The following CLIP1 variants were observed in gnomAD, a reference collection of about 807,000 sequenced individuals.
CLIP1 encodes the protein CAP-Gly domain-containing linker protein 1.
Under a neutral mutation model 161.6 loss-of-function variants are expected in CLIP1, and 66 were observed. The ratio of observed to expected loss-of-function variants is 0.41; its 90% confidence interval spans 0.33 to 0.50. The LOEUF is 0.50. Ranked by LOEUF, CLIP1 falls within the 20% of genes least tolerant of loss-of-function variation. The pLI, the probability that CLIP1 is intolerant of heterozygous loss-of-function variation, is 0.27. For synonymous variants in CLIP1, 598 were observed against 626.2 expected (o/e 0.96, Z 0.67); for missense variants, 1,376 against 1,702.0 (o/e 0.81, Z 3.37).
At chr12:122,295,479 T>G (rs572853577) in intron 20 of CLIP1, among the ~76,000 whole-genome samples, 1 of 152,266 alleles carries the variant, frequency 6.6e-6, no homozygotes, top group African/African-American at 2.4e-5. Flanking sequence ...GAAAATAGTT[T>G]GAAATATTTC....
At chr12:122,310,361 T>C (rs1951019302) in intron 19 of CLIP1, among the ~76,000 whole-genome samples, 1 of 152,242 alleles carries the variant, frequency 6.6e-6, no homozygotes, top group South Asian at 2.1e-4. Context: ...CATTTACCAG[T>C]ATCTGTCAGA....
rs977328690 is a variant in CLIP1, at chr12:122,340,358, C to T, written c.2451+395G>A. Among the ~76,000 whole-genome samples, 3 of 152,146 alleles carry T rather than the reference C, an allele frequency of 2.0e-5. No homozygotes were observed. In the South Asian group the frequency reaches 6.2e-4, roughly 32 times the overall value. On this transcript the variant is annotated intron_variant, in intron 11 of 25. Coordinates refer to ENST00000620786, the MANE Select transcript of CLIP1 (RefSeq NM_001247997.2). ...CCTCCCAAAGTGCTGGGATTACAGG[C>T]GTGAGCCACTGCGCCTGGCCGATCT... is the stretch of plus-strand genomic sequence containing the variant.
chr12:122,341,617 G>T lies in CLIP1; in HGVS notation c.1587C>A (p.Leu529=). Residue 529 remains leucine, a synonymous_variant, in exon 11 of 26, where the codon CTC becomes CTA. Coordinates refer to ENST00000620786, the MANE Select transcript of CLIP1 (RefSeq NM_001247997.2). ...GCTTATTGGACTCTAGCCTTCTTCG[G>T]AGCTCAGCTACTTCCTGTACTCTCA... ...LALRVQEVAE[L]RRRLESNKPA... 1.2e-6 allele frequency: 2 copies of T among 1,613,160 alleles called. No homozygotes were observed. The highest frequency in any genetic ancestry group is 8.5e-7 in the Non-Finnish European group (1 of 1,179,982).
At chr12:122,390,440 T>G (rs1955609010) in intron 1 of CLIP1, among the ~76,000 whole-genome samples, 1 of 151,212 alleles carries the variant, frequency 6.6e-6, no homozygotes, top group South Asian at 2.1e-4. Context: ...GCCTCTCCAG[T>G]AGCTGGGACT....
Position 122,355,300 on chromosome 12 carries a change from A to T in CLIP1, c.1018T>A (p.Ser340Thr). The T allele has an allele frequency of 6.2e-7, 1 of 1,613,736 alleles. No homozygotes were observed. Among genetic ancestry groups the T allele is most frequent in the Non-Finnish European group, 8.5e-7 (1 of 1,179,794 alleles). The part of the protein sequence containing the change: ...PSRTGLLTET[S>T]SRYARKISGT... ...GAGATCTTCCTGGCGTAACGGGAGG[A>T]GGTTTCAGTCAACTGTAAAGGAAAG... The change falls in exon 6 of 26, where the codon TCC becomes ACC. Residue 340 changes from serine to threonine, a missense_variant. Physicochemically the swap from Ser to Thr is moderately conservative, Grantham distance 58 (BLOSUM62 1). This residue lies in a region of CLIP1 where 211 missense variants were observed against 295.1 expected (regional missense o/e 0.72). Transcript: ENST00000620786. This position sits in a 1 kb window ranked among gnomAD's most constrained non-coding sequence, Gnocchi z 4.1.
intron 4 of CLIP1, among the ~76,000 whole-genome samples, chr12:122,362,335 A>G (rs1355818267): frequency 6.6e-6 from 1 of 151,784 alleles, no homozygotes. Context: ...AATGGCTAAC[A>G]TACAGGAAAA....
At chr12:122,395,816 C>T (rs1431953038) in intron 1 of CLIP1, 1 of 152,210 alleles carries the variant, frequency 6.6e-6, no homozygotes, top group Non-Finnish European at 1.5e-5. Flanking sequence ...GATTGGGCTA[C>T]ATTTAAGCAT....
rs1394803491 is a variant in CLIP1, at chr12:122,309,758, T to TG, written c.3594+3dup. 6.2e-7 allele frequency: 1 copy of TG among 1,611,976 alleles called. No individual in the cohort carries two copies. Among genetic ancestry groups the TG allele is most frequent in the Non-Finnish European group, 8.5e-7 (1 of 1,179,946 alleles). On this transcript the variant is annotated splice_donor_region_variant and intron_variant, in intron 20 of 25. Coordinates refer to ENST00000620786, the MANE Select transcript of CLIP1 (RefSeq NM_001247997.2). ...GCTGGAACCCCTCGCCAAAGGACAC[T>TG]GACCTTTTGATGACTTGTGACTTCG...
At position 122,287,936 on chromosome 12, in the gene CLIP1, A is replaced by G. The variant is rs946307454; in HGVS notation, c.3647+553T>C. On this transcript the variant is annotated intron_variant, in intron 21 of 25. Coordinates refer to ENST00000620786, the MANE Select transcript of CLIP1 (RefSeq NM_001247997.2). ...AGGTAACAGTGGTGTAACATGAGAC[A>G]ATCTGATTTTAGATCACTTCTGAGT... Among the ~76,000 whole-genome samples the G allele has an allele frequency of 4.6e-5, 7 of 152,192 alleles. No individual in the cohort carries two copies. In the East Asian group the frequency reaches 1.2e-3, roughly 25 times the overall value.
chr12:122,366,306 C>CAAA (rs11458072), intron 3 of CLIP1, among the ~76,000 whole-genome samples: 8 of 139,344 alleles, frequency 5.7e-5, no homozygotes, highest in African/African-American at 1.3e-4. Flanking sequence ...GACTCTGTCT[C>CAAA]AAAAAAAAAA....
intron 24 of CLIP1, 86 bp downstream of exon 24, chr12:122,278,068 G>C (rs1955503061): frequency 8.6e-7 from 1 of 1,168,202 alleles, no homozygotes; most frequent in Non-Finnish European, 1.3e-6. Flanking sequence ...GATACAAAAG[G>C]CATCAAATGA....
chr12:122,343,071 T>A (rs1952578092), intron 10 of CLIP1: 1 of 151,704 alleles, frequency 6.6e-6, no homozygotes, highest in Non-Finnish European at 1.5e-5. Context: ...ATCAAATGTT[T>A]CAATGAATAA....
intron 7 of CLIP1, among the ~76,000 whole-genome samples, chr12:122,353,673 C>T (rs1953166855): frequency 6.6e-6 from 1 of 152,044 alleles, no homozygotes; most frequent in Non-Finnish European, 1.5e-5. Context: ...CTCTGTCACC[C>T]AGACTGGAGT....
At position 122,422,644 on chromosome 12, in the gene CLIP1, G is replaced by A. The variant is rs1368426076; in HGVS notation, c.-230C>T. 1 of 144,856 alleles carries A rather than the reference G, an allele frequency of 6.9e-6. No individual in the cohort carries two copies. The highest frequency in any genetic ancestry group is 1.5e-5 in the Non-Finnish European group (1 of 65,216). 9.0% of individuals were successfully genotyped at this position (144,856 alleles called of 1,614,324 possible). ...GGGGAGAGCGTGACGCGCCGCCGCC[G>A]CCGCGGGGCCGGGCGGGCGCGCGCT... On this transcript the variant is annotated 5_prime_UTR_variant, in exon 1 of 26. Coordinates refer to ENST00000620786, the MANE Select transcript of CLIP1 (RefSeq NM_001247997.2).
intron 1 of CLIP1, among the ~76,000 whole-genome samples, chr12:122,390,350 C>T (rs192017036): frequency 1.3e-4 from 18 of 143,958 alleles, no homozygotes; most frequent in Admixed American, 5.7e-4. Flanking sequence ...TCTCGCTCTG[C>T]ACCCAGGCTG....
chr12:122,356,048 A>G (rs756667653), intron 5 of CLIP1: 3 of 152,250 alleles, frequency 2.0e-5, no homozygotes, highest in African/African-American at 4.8e-5. Context: ...TCTTTCCTCA[A>G]TTAATAACTC....
At chr12:122,407,408 G>A (rs1956361632) in intron 1 of CLIP1, among the ~76,000 whole-genome samples, 1 of 152,008 alleles carries the variant, frequency 6.6e-6, no homozygotes, top group Non-Finnish European at 1.5e-5. Context: ...TCAATCTCAA[G>A]GCAAGTTAAA....
intron 5 of CLIP1, among the ~76,000 whole-genome samples, chr12:122,359,464 T>C (rs547788130): frequency 6.6e-6 from 1 of 152,354 alleles, no homozygotes; most frequent in South Asian, 2.1e-4. Flanking sequence ...GAATTGTTCC[T>C]AGAACAGCAA....
chr12:122,304,650 C>T (rs1950802040), intron 20 of CLIP1, among the ~76,000 whole-genome samples: 2 of 152,222 alleles, frequency 1.3e-5, no homozygotes, highest in African/African-American at 4.8e-5. Context: ...CGTGAGCCTC[C>T]ACGTCCAGCC....
Sources: gnomAD v4.1 joint callset for allele counts (sites outside exome capture counted in the v4.1 genomes callset) on GRCh38, gnomAD v4.1.1 for gene constraint, gnomAD v4.1.1 regional missense constraint, Gnocchi (gnomAD v3.1) non-coding constraint, MANE v1.5 for transcripts, NCBI Gene and HGNC (gene_info 2026-07-23, HGNC 2026-07-21) for gene names.